SIRPA: variants seen among roughly 807,000 people sequenced by gnomAD.
SIRPA encodes tyrosine-protein phosphatase non-receptor type substrate 1.
Under a neutral mutation model 50.3 loss-of-function variants are expected in SIRPA, and 9 were observed. That is an observed-to-expected ratio of 0.18 (90% CI 0.11 to 0.31). SIRPA has a LOEUF of 0.31. Among genes scored for constraint, SIRPA ranks in the 10% least tolerant of loss-of-function variants. The pLI is 1.00. For missense variants in SIRPA, 474 were observed against 661.6 expected (o/e 0.72, Z 3.11); for synonymous variants, 265 against 284.1 (o/e 0.93, Z 0.68).
chr20:1,921,523 A>C lies in SIRPA; in HGVS notation c.565A>C (p.Asn189His), dbSNP rs764759187. ...DITLKWFKNGNELSDFQTNVD... is the reference protein window; with the variant it reads ...DITLKWFKNGHELSDFQTNVD... ...CACCCTGAAATGGTTCAAAAATGGG[A>C]ATGAGCTCTCAGACTTCCAGACCAA... Residue 189 changes from asparagine (N) to histidine (H), a missense_variant, in exon 3 of 8, where the codon AAT (asparagine) becomes CAT (histidine). Physicochemically the swap from Asn to His is moderately conservative, Grantham distance 68. Coordinates refer to ENST00000358771, the MANE Select transcript of SIRPA (RefSeq NM_001040023.2). 1.9e-6 allele frequency: 3 copies of C among 1,613,990 alleles called. No homozygotes were observed. The highest frequency in any genetic ancestry group is 1.7e-5 in the Admixed American group (1 of 59,994).
In SIRPA at chr20:1,924,753, G is replaced by A; in HGVS notation, c.1088-11G>A. 1.2e-6 allele frequency: 2 copies of A among 1,610,008 alleles called. No homozygotes were observed. The highest frequency in any genetic ancestry group is 2.2e-5 in the East Asian group (1 of 44,874). Reference sequence around the variant, plus strand: ...TGCATACGTGAAGCCTCTATTCCATGTGGTCCCTAGAGAACACTGGATCTA... The same window carrying A: ...TGCATACGTGAAGCCTCTATTCCATATGGTCCCTAGAGAACACTGGATCTA... On this transcript the variant is annotated splice_polypyrimidine_tract_variant and intron_variant, in intron 4 of 7. Coordinates refer to ENST00000358771, the MANE Select transcript of SIRPA (RefSeq NM_001040023.2). The surrounding 1 kb of genome is among the most constrained non-coding windows in gnomAD (Gnocchi z 4.5).
At chr20:1,925,087 C>T (rs955792526) in intron 5 of SIRPA, among the ~76,000 whole-genome samples, 2 of 152,260 alleles carry the variant, frequency 1.3e-5, no homozygotes, top group East Asian at 1.9e-4. Flanking sequence ...ACAAGATGTT[C>T]ATCACTGCCC....
Position 1,928,259 on chromosome 20 carries a change from T to C in SIRPA, c.1226+360T>C, listed in dbSNP as rs1986108183. On this transcript the variant is annotated intron_variant, in intron 6 of 7. Coordinates refer to ENST00000358771, the MANE Select transcript of SIRPA (RefSeq NM_001040023.2). This position sits in a 1 kb window ranked among gnomAD's most constrained non-coding sequence, Gnocchi z 4.9. ...GATCCAAGTTGTATACTTTACTCTTTCCTTTGTTTAGTAAATATTTATTGA... is the reference window on the plus strand; with the variant it reads ...GATCCAAGTTGTATACTTTACTCTTCCCTTTGTTTAGTAAATATTTATTGA... Among the ~76,000 whole-genome samples the C allele has an allele frequency of 1.3e-5, 2 of 152,168 alleles. No individual in the cohort carries two copies. The highest frequency in any genetic ancestry group is 4.8e-5 in the African/African-American group (2 of 41,428).
intron 1 of SIRPA, 50 bp from the exon 2 acceptor site, chr20:1,915,049 C>T (rs756542472): frequency 2.9e-5 from 40 of 1,369,116 alleles, no homozygotes; most frequent in Non-Finnish European, 3.8e-5. Context: ...TGAGGAAACA[C>T]AGAGGATCAC....
chr20:1,895,917 CAT>C lies in SIRPA; in HGVS notation c.79+392_79+393del, dbSNP rs779802315. ...GTCCCCATGGACATACGACTTTCCACATGTTTGACTTCAGGGTGTGAGGGGAG... is the reference window on the plus strand; with the variant it reads ...GTCCCCATGGACATACGACTTTCCACGTTTGACTTCAGGGTGTGAGGGGAG... On this transcript the variant is annotated intron_variant, in intron 1 of 7. Transcript: ENST00000358771. 2.0e-5 allele frequency among the ~76,000 whole-genome samples: 3 copies of C among 152,360 alleles called. No homozygotes were observed. The South Asian group carries it at 6.2e-4, about 32-fold the overall frequency.
At chr20:1,916,274 G>C (rs906044488) in intron 2 of SIRPA, among the ~76,000 whole-genome samples, 1 of 152,140 alleles carries the variant, frequency 6.6e-6, no homozygotes, top group African/African-American at 2.4e-5. Flanking sequence ...CGAATCCTGG[G>C]ACATTAGTAC....
chr20:1,915,528 A>G (rs1396001983), intron 2 of SIRPA, 73 bp downstream of exon 2: 4 of 1,538,850 alleles, frequency 2.6e-6, no homozygotes, highest in Non-Finnish European at 3.6e-6. Flanking sequence ...CCATTCTTTG[A>G]GCAATGATCA....
chr20:1,903,011 C>CAAAAAAA (rs58735842), intron 1 of SIRPA, among the ~76,000 whole-genome samples: 12 of 90,872 alleles, frequency 1.3e-4, no homozygotes, highest in African/African-American at 4.2e-4. Flanking sequence ...GACTCTGTCT[C>CAAAAAAA]AAAAAAAAAA....
intron 7 of SIRPA, among the ~76,000 whole-genome samples, chr20:1,935,814 C>A (rs916140795): frequency 6.6e-6 from 1 of 152,178 alleles, no homozygotes; most frequent in African/African-American, 2.4e-5. Flanking sequence ...GCCTGCGATT[C>A]CAGTGCCAGG....
In SIRPA at chr20:1,898,698, G is replaced by A. The variant is rs1344176790; in HGVS notation, c.79+3172G>A. On this transcript the variant is annotated intron_variant, in intron 1 of 7. Coordinates refer to ENST00000358771, the MANE Select transcript of SIRPA (RefSeq NM_001040023.2). The surrounding 1 kb of genome is among the most constrained non-coding windows in gnomAD (Gnocchi z 4.3). ...AGGATGATTTAGTCCAAGCTGGAGA[G>A]GGAGTGAGAGAGGCCCCTTTCTGGC... Among the ~76,000 whole-genome samples the A allele has an allele frequency of 6.6e-6, 1 of 152,040 alleles. No homozygotes were observed. The highest frequency in any genetic ancestry group is 2.1e-4 in the South Asian group (1 of 4,826).
chr20:1,903,565 G>T (rs1334512792), intron 1 of SIRPA, among the ~76,000 whole-genome samples: 1 of 152,184 alleles, frequency 6.6e-6, no homozygotes, highest in Non-Finnish European at 1.5e-5. Context: ...TTTCCAGCAT[G>T]GCATTTCTGG....
chr20:1,920,143 A>G (rs1279562236), intron 2 of SIRPA, among the ~76,000 whole-genome samples: 2 of 152,088 alleles, frequency 1.3e-5, no homozygotes, highest in South Asian at 2.1e-4. Flanking sequence ...CCTCACAGAG[A>G]TGGAGTGAGG....
chr20:1,930,194 TCTC>T (rs1214409067), intron 6 of SIRPA, among the ~76,000 whole-genome samples: 7 of 152,138 alleles, frequency 4.6e-5, no homozygotes. Context: ...ACCTCCTGCT[TCTC>T]CTGAGATCAG....
Position 1,932,618 on chromosome 20 carries a change from A to G in SIRPA, c.1227-2097A>G, listed in dbSNP as rs1238374134. Among the ~76,000 whole-genome samples the G allele has an allele frequency of 6.6e-6, 1 of 152,200 alleles. No homozygotes were observed. The highest frequency in any genetic ancestry group is 6.5e-5 in the Admixed American group (1 of 15,278). ...GTTGAGCATTCTGAGCAGAAAAGTA[A>G]CATGACATCACTTATGCATTTCAGA... On this transcript the variant is annotated intron_variant, in intron 6 of 7. Transcript: ENST00000358771. This position sits in a 1 kb window ranked among gnomAD's most constrained non-coding sequence, Gnocchi z 6.0.
At position 1,936,345 on chromosome 20, in the gene SIRPA, G is replaced by A. The variant is rs1190421283; in HGVS notation, c.1267-975G>A. Among the ~76,000 whole-genome samples the A allele has an allele frequency of 6.6e-6, 1 of 152,160 alleles. No homozygotes were observed. Among genetic ancestry groups the A allele is most frequent in the East Asian group, 1.9e-4 (1 of 5,200 alleles). Reference sequence around the variant, plus strand: ...ATTTATTGAAGACAGATGCTCAATAGGTACCAGGCTCTGTTCTAAACGCTT... The same window carrying A: ...ATTTATTGAAGACAGATGCTCAATAAGTACCAGGCTCTGTTCTAAACGCTT... On this transcript the variant is annotated intron_variant, in intron 7 of 7. Transcript: ENST00000358771. This position sits in a 1 kb window ranked among gnomAD's most constrained non-coding sequence, Gnocchi z 4.2.
At chr20:1,920,050 T>C (rs1374103575) in intron 2 of SIRPA, among the ~76,000 whole-genome samples, 4 of 152,206 alleles carry the variant, frequency 2.6e-5, no homozygotes, top group African/African-American at 9.6e-5. Flanking sequence ...ATCCTCCCTC[T>C]TCTTAACAGG....
chr20:1,917,015 T>G (rs1156671237), intron 2 of SIRPA, among the ~76,000 whole-genome samples: 1 of 152,192 alleles, frequency 6.6e-6, no homozygotes, highest in Non-Finnish European at 1.5e-5. Flanking sequence ...AGATGATGCA[T>G]CTCGTGCCTA....
In SIRPA at chr20:1,930,739, C is replaced by T. The variant is rs1042925651; in HGVS notation, c.1226+2840C>T. On this transcript the variant is annotated intron_variant, in intron 6 of 7. Coordinates refer to ENST00000358771, the MANE Select transcript of SIRPA (RefSeq NM_001040023.2). ...CTGAGTAGCTGGGATTACAGGCATG[C>T]GCCACCACCCCCGGCTAATTTTGTA... is the stretch of plus-strand genomic sequence containing the variant. Among the ~76,000 whole-genome samples the T allele has an allele frequency of 3.3e-5, 5 of 152,094 alleles. No homozygotes were observed. In the South Asian group the frequency reaches 6.2e-4, roughly 19 times the overall value.
At chr20:1,903,028 A>AAAAG (rs1555768870) in intron 1 of SIRPA, among the ~76,000 whole-genome samples, 47 of 119,318 alleles carry the variant, frequency 3.9e-4, no homozygotes, top group African/African-American at 1.2e-3. Flanking sequence ...AAAAAAAAAA[A>AAAAG]AAAAGAAAAG....
Sources: allele counts gnomAD v4.1 joint callset (sites outside exome capture counted in the v4.1 genomes callset), GRCh38; gene constraint gnomAD v4.1.1; non-coding constraint Gnocchi (gnomAD v3.1); transcripts MANE v1.5; gene names NCBI Gene and HGNC (gene_info 2026-07-23, HGNC 2026-07-21).